DLGAP1: variants seen among roughly 807,000 people sequenced by gnomAD.
DLGAP1 encodes disks large-associated protein 1.
DLGAP1 carries 11 observed loss-of-function variants against 90.8 expected under a neutral mutation model. That is an observed-to-expected ratio of 0.12 (90% CI 0.08 to 0.20). The LOEUF is 0.20. DLGAP1 is among the 10% of genes least tolerant of loss of function. The probability of loss-of-function intolerance (pLI) is 1.00; values close to 1 mark genes in which losing one functional copy is unlikely to be tolerated. For synonymous variants in DLGAP1, 558 were observed against 540.7 expected, an observed-to-expected ratio of 1.03 and a Z score of -0.44; for missense variants, 1,050 against 1,333.8, an observed-to-expected ratio of 0.79 and a Z score of 3.31.
At chr18:3,724,373 T>C (rs1386864682) in intron 7 of DLGAP1, among the ~76,000 whole-genome samples, 1 of 152,062 alleles carries the variant, frequency 6.6e-6, no homozygotes, top group African/African-American at 2.4e-5. Flanking sequence ...CAAATGAACC[T>C]ATTTACTCTT....
intron 9 of DLGAP1, among the ~76,000 whole-genome samples, chr18:3,562,613 C>T (rs921033262): frequency 2.8e-5 from 4 of 142,392 alleles, no homozygotes; most frequent in African/African-American, 1.1e-4. Context: ...GGCGTGATCT[C>T]GGCTCACTGC....
chr18:3,892,703 G>A (rs913084679), intron 3 of DLGAP1, among the ~76,000 whole-genome samples: 1 of 151,722 alleles, frequency 6.6e-6, no homozygotes, highest in Non-Finnish European at 1.5e-5. Flanking sequence ...GAAAGCCTTT[G>A]GAAAAAAGAA....
chr18:3,977,502 C>T (rs1343785743), intron 3 of DLGAP1: 1 of 141,734 alleles, frequency 7.1e-6, no homozygotes, highest in African/African-American at 2.8e-5. Flanking sequence ...GTAGGGCTCC[C>T]CTAGGTCTCA....
intron 9 of DLGAP1, among the ~76,000 whole-genome samples, chr18:3,538,776 A>T (rs1324425708): frequency 6.6e-6 from 1 of 152,206 alleles, no homozygotes; most frequent in Non-Finnish European, 1.5e-5. Flanking sequence ...AATCAGAGCA[A>T]ACTGCCACAG....
intron 7 of DLGAP1, among the ~76,000 whole-genome samples, chr18:3,656,446 C>T (rs2059487004): frequency 6.6e-6 from 1 of 152,194 alleles, no homozygotes; most frequent in Non-Finnish European, 1.5e-5. Context: ...TAAAAGTTCA[C>T]ACAATAGGAT....
chr18:3,907,973 CT>C, intron 3 of DLGAP1, among the ~76,000 whole-genome samples: 1 of 152,310 alleles, frequency 6.6e-6, no homozygotes, highest in Non-Finnish European at 1.5e-5. Context: ...TAATTGGAGC[CT>C]TAAGAGCTAG....
At chr18:4,204,257 A>G (rs568250212) in intron 1 of DLGAP1, among the ~76,000 whole-genome samples, 76 of 152,354 alleles carry the variant, frequency 5.0e-4, no homozygotes, top group Middle Eastern at 6.8e-3. Context: ...AAAAAATGGT[A>G]CTAACAGCAG....
intron 5 of DLGAP1, among the ~76,000 whole-genome samples, chr18:3,762,123 AG>A (rs1424922964): frequency 1.3e-5 from 2 of 152,264 alleles, no homozygotes; most frequent in Non-Finnish European, 2.9e-5. Context: ...GGCTGAAAAT[AG>A]AAAAATGATA....
intron 1 of DLGAP1, among the ~76,000 whole-genome samples, chr18:4,432,604 G>C (rs868613564): frequency 1.3e-5 from 2 of 151,270 alleles, no homozygotes; most frequent in African/African-American, 4.9e-5. Flanking sequence ...GTGTGTGTGT[G>C]TGTGTGTGTG....
chr18:3,841,458 T>C (rs746199273), intron 4 of DLGAP1, among the ~76,000 whole-genome samples: 3 of 152,152 alleles, frequency 2.0e-5, no homozygotes, highest in Non-Finnish European at 4.4e-5. Context: ...TGGCAGGCAG[T>C]GAGAAATTAA....
At chr18:3,921,072 G>T (rs1008759138) in intron 3 of DLGAP1, among the ~76,000 whole-genome samples, 1 of 152,126 alleles carries the variant, frequency 6.6e-6, no homozygotes, top group Non-Finnish European at 1.5e-5. Context: ...ATGTAACTTG[G>T]AATGATTCTA....
intron 2 of DLGAP1, among the ~76,000 whole-genome samples, chr18:4,104,321 T>C (rs2075825377): frequency 6.6e-6 from 1 of 152,186 alleles, no homozygotes; most frequent in African/African-American, 2.4e-5. Context: ...AATAGTTGTG[T>C]CTACAATTTT....
At chr18:4,305,220 T>C (rs1037221870) in intron 1 of DLGAP1, among the ~76,000 whole-genome samples, 4 of 151,776 alleles carry the variant, frequency 2.6e-5, no homozygotes, top group African/African-American at 9.7e-5. Flanking sequence ...CAAAGCATGA[T>C]GACAATGAGA....
At chr18:3,735,549 TATGGTAC>T (rs1478932724) in intron 6 of DLGAP1, among the ~76,000 whole-genome samples, 3 of 152,286 alleles carry the variant, frequency 2.0e-5, no homozygotes, top group African/African-American at 7.2e-5. Context: ...TGTCTAGGTA[TATGGTAC>T]ACACTCCATA....
intron 5 of DLGAP1, among the ~76,000 whole-genome samples, chr18:3,760,633 T>C (rs1240446163): frequency 6.6e-6 from 1 of 152,166 alleles, no homozygotes; most frequent in African/African-American, 2.4e-5. Context: ...GGCAAATCAC[T>C]GTCCAGAACT....
At chr18:3,522,042 A>G (rs1012007557) in intron 10 of DLGAP1, among the ~76,000 whole-genome samples, 2 of 148,972 alleles carry the variant, frequency 1.3e-5, no homozygotes, top group African/African-American at 4.9e-5. Flanking sequence ...ACCATCTAGG[A>G]TAAGTTGAGT....
intron 3 of DLGAP1, among the ~76,000 whole-genome samples, chr18:3,968,854 T>A (rs1235931695): frequency 6.6e-6 from 1 of 152,148 alleles, no homozygotes; most frequent in Admixed American, 6.6e-5. Flanking sequence ...GTGGAACTAA[T>A]AATCAAAATA....
chr18:4,249,346 A>G (rs2078727183), intron 1 of DLGAP1, among the ~76,000 whole-genome samples: 1 of 151,988 alleles, frequency 6.6e-6, no homozygotes, highest in East Asian at 1.9e-4. Context: ...GTTTTTTAAA[A>G]TAAAGAGACT....
chr18:3,583,086 G>T (rs2055622828), intron 7 of DLGAP1, among the ~76,000 whole-genome samples: 1 of 151,450 alleles, frequency 6.6e-6, no homozygotes, highest in African/African-American at 2.4e-5. Context: ...GGGATTACAA[G>T]CGTGAGCCAC....
Sources: allele counts gnomAD v4.1 joint callset (sites outside exome capture counted in the v4.1 genomes callset), GRCh38; gene constraint gnomAD v4.1.1; transcripts MANE v1.5; gene names NCBI Gene and HGNC (gene_info 2026-07-23, HGNC 2026-07-21).